SERPINI1: variants seen among roughly 807,000 people sequenced by gnomAD.
SERPINI1 encodes the protein serpin family I member 1, also known as neuroserpin.
Under a neutral mutation model 41.1 loss-of-function variants are expected in SERPINI1, and 19 were observed. The observed-to-expected ratio is 0.46, with a 90% CI of 0.32 to 0.68. SERPINI1 has a LOEUF of 0.68. Among genes scored for constraint, SERPINI1 ranks in the 30% least tolerant of loss-of-function variants. SERPINI1 has a pLI of 0.03. For synonymous variants in SERPINI1, 138 were observed against 156.6 expected, an observed-to-expected ratio of 0.88 and a Z score of 0.89; for missense variants, 460 against 479.2, an observed-to-expected ratio of 0.96 and a Z score of 0.37.
intron 1 of SERPINI1, among the ~76,000 whole-genome samples, chr3:167,751,811 T>A (rs1254433739): frequency 6.6e-6 from 1 of 152,004 alleles, no homozygotes; most frequent in Non-Finnish European, 1.5e-5. Flanking sequence ...TATTAGTGAT[T>A]CTCCTTCATG....
In SERPINI1 at chr3:167,792,570, A is replaced by G. The variant is rs2420038; in HGVS notation, c.482-20A>G. 5.7e-4 allele frequency: 909 copies of G among 1,604,886 alleles called. 3 individuals are homozygous for G. In the African/African-American group the frequency reaches 0.011, roughly 20 times the overall value. On this transcript the variant is annotated intron_variant, in intron 3 of 8. Coordinates refer to ENST00000446050, the MANE Select transcript of SERPINI1 (RefSeq NM_001122752.2). ...TCCAGTTTAACATGAATTTTTATCT[A>G]TTCATTTTTTCCTAAATAGATCTGG...
At chr3:167,755,353 T>C (rs1726162337) in intron 1 of SERPINI1, among the ~76,000 whole-genome samples, 1 of 152,204 alleles carries the variant, frequency 6.6e-6, no homozygotes, top group South Asian at 2.1e-4. Flanking sequence ...CACTCCTGAT[T>C]TGGAGTAGGC....
chr3:167,770,063 A>T, intron 1 of SERPINI1, among the ~76,000 whole-genome samples: 1 of 147,272 alleles, frequency 6.8e-6, no homozygotes, highest in South Asian at 2.1e-4. Flanking sequence ...GGTCTTTGTC[A>T]CACTTGGGCC....
At chr3:167,768,742 A>G (rs1726643853) in intron 1 of SERPINI1, among the ~76,000 whole-genome samples, 1 of 152,184 alleles carries the variant, frequency 6.6e-6, no homozygotes, top group African/African-American at 2.4e-5. Context: ...GATCCTACTG[A>G]ATAGAATAGG....
intron 1 of SERPINI1, among the ~76,000 whole-genome samples, chr3:167,751,043 AG>A (rs1726035798): frequency 6.6e-6 from 1 of 152,206 alleles, no homozygotes; most frequent in Admixed American, 6.5e-5. Flanking sequence ...TATTAAAAAA[AG>A]AATAGAAAAT....
intron 1 of SERPINI1, among the ~76,000 whole-genome samples, chr3:167,779,290 A>G (rs1181563574): frequency 6.6e-6 from 1 of 152,330 alleles, no homozygotes; most frequent in East Asian, 1.9e-4. Flanking sequence ...AACACATATC[A>G]AAGTTTTTTT....
At chr3:167,745,464 A>T (rs1300439291) in intron 1 of SERPINI1, among the ~76,000 whole-genome samples, 3 of 152,064 alleles carry the variant, frequency 2.0e-5, no homozygotes, top group Admixed American at 2.0e-4. Flanking sequence ...AACATAGCTA[A>T]CATTTGGTAG....
rs1712486806 is a variant in SERPINI1, at chr3:167,825,419, GAT to G, written c.*98_*99del. On this transcript the variant is annotated 3_prime_UTR_variant, in exon 9 of 9. Transcript: ENST00000446050. ...ATTTGTGTTTTACAGTATATCTTAA[GAT>G]AATATTTAAAATAGTTCCAGATAAA... 1.3e-6 allele frequency: 1 copy of G among 796,364 alleles called. No individual in the cohort carries two copies. Among genetic ancestry groups the G allele is most frequent in the African/African-American group, 1.7e-5 (1 of 58,090 alleles). The allele number at this position is 796,364 out of a possible 1,614,324, so 49.3% of individuals were successfully genotyped here.
At chr3:167,802,594 T>C (rs1429316598) in intron 5 of SERPINI1, among the ~76,000 whole-genome samples, 95 of 151,532 alleles carry the variant, frequency 6.3e-4, no homozygotes, top group African/African-American at 2.1e-3. Context: ...CTCACACCAG[T>C]TAGAATGGCA....
chr3:167,775,109 T>G (rs1340685037), intron 1 of SERPINI1, among the ~76,000 whole-genome samples: 1 of 151,988 alleles, frequency 6.6e-6, no homozygotes, highest in African/African-American at 2.4e-5. Flanking sequence ...CAAGATAAGT[T>G]TAAAACTGTC....
At position 167,789,234 on chromosome 3, in the gene SERPINI1, C is replaced by T. The variant is rs61735306; in HGVS notation, c.106C>T (p.Arg36Cys). The T allele has an allele frequency of 5.6e-6, 9 of 1,614,006 alleles. No individual in the cohort carries two copies. The highest frequency in any genetic ancestry group is 5.0e-5 in the Admixed American group (3 of 60,004). Residue 36 changes from arginine to cysteine, a missense_variant, in exon 2 of 9, where the codon CGT becomes TGT. Transcript: ENST00000446050. ...IADLSVNMYN[R>C]LRATGEDENI... The stretch of plus-strand genomic sequence containing the variant: ...TGACTTGTCAGTGAATATGTATAAT[C>T]GTCTTAGAGCCACTGGTGAAGATGA...
rs77368068 is a variant in SERPINI1, at chr3:167,779,788, T to C, written c.-18-9323T>C. ...AGAGATACATGAGGAGCTCTCCCTTTTGTTTGATTCAATAGTACAGAAAAA... is the reference window on the plus strand; with the variant it reads ...AGAGATACATGAGGAGCTCTCCCTTCTGTTTGATTCAATAGTACAGAAAAA... On this transcript the variant is annotated intron_variant, in intron 1 of 8. Coordinates refer to ENST00000446050, the MANE Select transcript of SERPINI1 (RefSeq NM_001122752.2). 2.6e-3 allele frequency among the ~76,000 whole-genome samples: 398 copies of C among 152,292 alleles called. 15 individuals are homozygous for C. The East Asian group carries it at 0.071, about 27-fold the overall frequency.
At position 167,824,447 on chromosome 3, in the gene SERPINI1, A is replaced by G. The variant is rs1386065835; in HGVS notation, c.1067-26A>G. On this transcript the variant is annotated intron_variant, in intron 7 of 8. Coordinates refer to ENST00000446050, the MANE Select transcript of SERPINI1 (RefSeq NM_001122752.2). ...TTAGTCTCTGCACATCCACAGACAT[A>G]TAATTACTTTTTATCTGCACTGTAG... 22 of 1,561,904 alleles carry G rather than the reference A, an allele frequency of 1.4e-5. No homozygotes were observed. In the East Asian group the frequency reaches 4.9e-4, roughly 35 times the overall value.
At chr3:167,779,450 A>G (rs777276484) in intron 1 of SERPINI1, among the ~76,000 whole-genome samples, 5 of 152,212 alleles carry the variant, frequency 3.3e-5, no homozygotes, top group Non-Finnish European at 7.4e-5. Context: ...GCAATAATCA[A>G]TTGCATTCCA....
chr3:167,815,874 A>C (rs1712065448), intron 6 of SERPINI1, among the ~76,000 whole-genome samples: 1 of 151,312 alleles, frequency 6.6e-6, no homozygotes, highest in South Asian at 2.1e-4. Flanking sequence ...ATGCAATAGC[A>C]CTAGTCTGCT....
At chr3:167,748,798 T>G (rs1425230082) in intron 1 of SERPINI1, among the ~76,000 whole-genome samples, 5 of 142,216 alleles carry the variant, frequency 3.5e-5, no homozygotes, top group Non-Finnish European at 7.7e-5. Flanking sequence ...GTGTGTTAAC[T>G]GTATCTAAAT....
intron 2 of SERPINI1, among the ~76,000 whole-genome samples, chr3:167,789,624 C>G (rs892835294): frequency 1.3e-5 from 2 of 151,842 alleles, no homozygotes; most frequent in Non-Finnish European, 1.5e-5. Context: ...TCCTTGTGAT[C>G]AAAAAAAGCA....
At chr3:167,736,390 G>C (rs1725436159) in intron 1 of SERPINI1, among the ~76,000 whole-genome samples, 1 of 152,138 alleles carries the variant, frequency 6.6e-6, no homozygotes, top group Non-Finnish European at 1.5e-5. Context: ...TCTATCAAAA[G>C]TATAACTTTT....
chr3:167,747,280 C>T (rs979206115), intron 1 of SERPINI1, among the ~76,000 whole-genome samples: 2 of 152,102 alleles, frequency 1.3e-5, no homozygotes, highest in African/African-American at 4.8e-5. Context: ...TATGGGGTTT[C>T]TTTCTGGGGT....
Sources: allele counts gnomAD v4.1 joint callset (sites outside exome capture counted in the v4.1 genomes callset), GRCh38; gene constraint gnomAD v4.1.1; transcripts MANE v1.5; gene names NCBI Gene and HGNC (gene_info 2026-07-23, HGNC 2026-07-21).